PDS5A: variants seen among roughly 807,000 people sequenced by gnomAD.
PDS5A encodes sister chromatid cohesion protein PDS5 homolog A.
Under a neutral mutation model 167.1 loss-of-function variants are expected in PDS5A, and 42 were observed. The observed-to-expected ratio is 0.25, with a 90% CI of 0.20 to 0.33. The LOEUF is 0.33. Among genes scored for constraint, PDS5A ranks in the 10% least tolerant of loss-of-function variants. PDS5A has a pLI of 1.00. For missense variants in PDS5A, 1,033 were observed against 1,605.9 expected (o/e 0.64, Z 6.10); for synonymous variants, 553 against 554.6 (o/e 1.00, Z 0.04).
chr4:39,913,822 C>A, intron 8 of PDS5A, 96 bp from the exon 9 acceptor site: 1 of 725,320 alleles, frequency 1.4e-6, no homozygotes. Flanking sequence ...TTTCATATTT[C>A]TGCTTATAAC....
At chr4:39,920,073 T>C (rs1039712671) in intron 7 of PDS5A, among the ~76,000 whole-genome samples, 1 of 151,772 alleles carries the variant, frequency 6.6e-6, no homozygotes, top group Admixed American at 6.6e-5. Context: ...TGGGAGACAA[T>C]GAAATAAACA....
chr4:39,869,466 T>C lies in PDS5A; in HGVS notation c.2437-4A>G, dbSNP rs77381988. 40,544 of 1,571,706 alleles carry C rather than the reference T, an allele frequency of 0.026. 1,391 individuals are homozygous for C. Among genetic ancestry groups the C allele is most frequent in the Admixed American group, 0.17 (10,256 of 59,310 alleles). ...TTCCATTCTTTTCACCTGTTGACTA[T>C]AGACAATTGAATAAATTTAGCTATT... is the stretch of plus-strand genomic sequence containing the variant. On this transcript the variant is annotated splice_region_variant and splice_polypyrimidine_tract_variant and intron_variant, in intron 21 of 32. Coordinates refer to ENST00000303538, the MANE Select transcript of PDS5A (RefSeq NM_001100399.2).
chr4:39,890,198 T>C (rs1276666191), intron 17 of PDS5A, 51 bp downstream of exon 17: 16 of 981,800 alleles, frequency 1.6e-5, no homozygotes. Context: ...TTAACAACAT[T>C]GTCGTTGCAG....
At chr4:39,964,336 G>C (rs1729775504) in intron 2 of PDS5A, among the ~76,000 whole-genome samples, 1 of 152,182 alleles carries the variant, frequency 6.6e-6, no homozygotes, top group African/African-American at 2.4e-5. Flanking sequence ...CTGACTGGCT[G>C]ATTAAATTAT....
intron 23 of PDS5A, among the ~76,000 whole-genome samples, chr4:39,864,139 A>G (rs1245859270): frequency 2.0e-5 from 3 of 151,962 alleles, no homozygotes; most frequent in Non-Finnish European, 4.4e-5. Flanking sequence ...AAAAAAAACA[A>G]AAAACAAAAA....
At chr4:39,939,479 G>GAA (rs141707821) in intron 2 of PDS5A, among the ~76,000 whole-genome samples, 10 of 144,642 alleles carry the variant, frequency 6.9e-5, no homozygotes, top group East Asian at 2.1e-4. Flanking sequence ...AACCTAAAAT[G>GAA]AAAAAAAAAA....
intron 2 of PDS5A, among the ~76,000 whole-genome samples, chr4:39,968,142 T>G (rs1429172871): frequency 6.6e-6 from 1 of 151,912 alleles, no homozygotes; most frequent in Non-Finnish European, 1.5e-5. Context: ...TTATTGTAAA[T>G]GAGGTTTTGC....
chr4:39,904,492 G>A (rs1350118566), intron 11 of PDS5A, among the ~76,000 whole-genome samples: 1 of 151,974 alleles, frequency 6.6e-6, no homozygotes, highest in Non-Finnish European at 1.5e-5. Context: ...GCGCCCGCAC[G>A]CCCGGCTAAT....
At chr4:39,948,545 G>T (rs1484520274) in intron 2 of PDS5A, among the ~76,000 whole-genome samples, 1 of 150,816 alleles carries the variant, frequency 6.6e-6, no homozygotes, top group Non-Finnish European at 1.5e-5. Flanking sequence ...GGCTGGTCTT[G>T]AACTGCTGAC....
At chr4:39,966,323 G>A (rs1253380931) in intron 2 of PDS5A, among the ~76,000 whole-genome samples, 1 of 152,152 alleles carries the variant, frequency 6.6e-6, no homozygotes, top group African/African-American at 2.4e-5. Flanking sequence ...GGGTCCTCCT[G>A]GAGGAAAGCA....
At chr4:39,964,786 C>T (rs2664189) in intron 2 of PDS5A, among the ~76,000 whole-genome samples, 60,609 of 151,664 alleles carry the variant, frequency 0.4, 12,311 homozygotes, top group East Asian at 0.62. Context: ...TGGTGAAACA[C>T]ATAAAAATTA....
chr4:39,918,478 A>C (rs1724615616), intron 7 of PDS5A, among the ~76,000 whole-genome samples: 1 of 152,190 alleles, frequency 6.6e-6, no homozygotes, highest in Non-Finnish European at 1.5e-5. Context: ...AAAATGCCTC[A>C]GGGGCAATTG....
intron 16 of PDS5A, among the ~76,000 whole-genome samples, chr4:39,893,446 A>G (rs975477234): frequency 6.6e-6 from 1 of 152,206 alleles, no homozygotes; most frequent in African/African-American, 2.4e-5. Context: ...TATGCCTACT[A>G]ACTCTCGTAT....
intron 2 of PDS5A, among the ~76,000 whole-genome samples, chr4:39,942,683 C>T (rs148504144): frequency 4.1e-4 from 62 of 152,214 alleles, no homozygotes; most frequent in African/African-American, 1.5e-3. Flanking sequence ...GCCGAGGCCT[C>T]CCAATGTGCT....
chr4:39,871,137 T>C (rs1468499584), intron 21 of PDS5A, among the ~76,000 whole-genome samples: 2 of 152,058 alleles, frequency 1.3e-5, no homozygotes, highest in Non-Finnish European at 2.9e-5. Context: ...CAGAGGGCAA[T>C]GGAGAGTTGT....
intron 16 of PDS5A, among the ~76,000 whole-genome samples, chr4:39,890,896 C>T (rs1044679731): frequency 6.6e-6 from 1 of 151,976 alleles, no homozygotes; most frequent in South Asian, 2.1e-4. Flanking sequence ...GGATTACAGG[C>T]GTGAGCCACC....
chr4:39,823,444 T>C lies in PDS5A; in HGVS notation c.*2041A>G, dbSNP rs1271461239. The C allele has an allele frequency of 1.3e-5, 2 of 152,546 alleles. No homozygotes were observed. The highest frequency in any genetic ancestry group is 2.9e-5 in the Non-Finnish European group (2 of 68,038). 9.4% of individuals were successfully genotyped at this position (152,546 alleles called of 1,614,324 possible). ...CTGCTACATTTTATTTAATATGATG[T>C]AACACTTGGTAATCTAGTAAACTGT... On this transcript the variant is annotated 3_prime_UTR_variant, in exon 33 of 33. Coordinates refer to ENST00000303538, the MANE Select transcript of PDS5A (RefSeq NM_001100399.2).
intron 2 of PDS5A, 121 bp downstream of exon 2, chr4:39,976,319 T>C: frequency 1.5e-6 from 1 of 686,856 alleles, no homozygotes; most frequent in Non-Finnish European, 2.5e-6. Context: ...CAACAGTACC[T>C]TTCAGAGGGG....
chr4:39,906,939 A>AC, intron 11 of PDS5A, among the ~76,000 whole-genome samples: 1 of 150,110 alleles, frequency 6.7e-6, no homozygotes, highest in Admixed American at 6.6e-5. Flanking sequence ...AAAAAAAAAA[A>AC]AAAACAAGCA....
Sources: allele counts gnomAD v4.1 joint callset (sites outside exome capture counted in the v4.1 genomes callset), GRCh38; gene constraint gnomAD v4.1.1; transcripts MANE v1.5; gene names NCBI Gene and HGNC (gene_info 2026-07-23, HGNC 2026-07-21).